Variants in CLIP1 observed in about 807,000 individuals in gnomAD.
CLIP1 encodes CAP-Gly domain containing linker protein 1.
In CLIP1, 66 loss-of-function variants were observed where a neutral mutation model predicts 161.6. That is an observed-to-expected ratio of 0.41 (90% CI 0.33 to 0.50). The LOEUF (loss-of-function observed/expected upper bound fraction) is 0.50. Among genes scored for constraint, CLIP1 ranks in the 20% least tolerant of loss-of-function variants. CLIP1 has a pLI of 0.27. For missense variants in CLIP1, 1,376 were observed against 1,702.0 expected (o/e 0.81, Z 3.37); for synonymous variants, 598 against 626.2 (o/e 0.96, Z 0.67).
intron 5 of CLIP1, among the ~76,000 whole-genome samples, chr12:122,359,140 A>G (rs542860726): frequency 5.0e-4 from 76 of 152,350 alleles, no homozygotes; most frequent in Non-Finnish European, 9.1e-4. Flanking sequence ...AAACAGAAAT[A>G]CATTTCTGAG....
At chr12:122,341,757 C>CTTTTT (rs1952510340) in intron 10 of CLIP1, 60 bp from the exon 11 acceptor site, 2 of 88,998 alleles carry the variant, frequency 2.2e-5, no homozygotes, top group Non-Finnish European at 4.7e-5. Context: ...TGACTATTTT[C>CTTTTT]TTTTCTTTTT....
At chr12:122,351,261 A>G in intron 8 of CLIP1, 118 bp from the exon 9 acceptor site, 2 of 659,466 alleles carry the variant, frequency 3.0e-6, no homozygotes, top group Non-Finnish European at 4.9e-6. Context: ...TAAGTTTATC[A>G]GACAGACTAT....
chr12:122,355,526 C>A lies in CLIP1; in HGVS notation c.1006-214G>T. On this transcript the variant is annotated intron_variant, in intron 5 of 25. Transcript: ENST00000620786. The surrounding 1 kb of genome is among the most constrained non-coding windows in gnomAD (Gnocchi z 4.1). ...AAAGAATACATCAACGTAAAGAGAT[C>A]AGCCAGGTGCGGTGGCTCATGCCTG... 2 of 537,318 alleles carry A rather than the reference C, an allele frequency of 3.7e-6. No homozygotes were observed. The highest frequency in any genetic ancestry group is 6.7e-6 in the Non-Finnish European group (2 of 299,116). 33.3% of individuals were successfully genotyped at this position (537,318 alleles called of 1,614,324 possible). A position where few individuals can be genotyped will look rare whatever the true frequency, so the allele number is the denominator to read the frequency against.
intron 1 of CLIP1, among the ~76,000 whole-genome samples, chr12:122,407,120 AATG>A (rs1956351540): frequency 6.6e-6 from 1 of 152,178 alleles, no homozygotes; most frequent in African/African-American, 2.4e-5. Flanking sequence ...GAACTTACTT[AATG>A]GGTCGGCAGC....
chr12:122,288,779 A>G (rs1400079273), intron 20 of CLIP1, among the ~76,000 whole-genome samples: 4 of 151,646 alleles, frequency 2.6e-5, no homozygotes, highest in Non-Finnish European at 5.9e-5. Flanking sequence ...CATATTAAAC[A>G]ATCACACCTT....
At chr12:122,408,910 C>A (rs1566242414) in intron 1 of CLIP1, among the ~76,000 whole-genome samples, 1 of 152,180 alleles carries the variant, frequency 6.6e-6, no homozygotes, top group Non-Finnish European at 1.5e-5. Context: ...CTCCCAGGCT[C>A]AAGTGATTCT....
chr12:122,354,863 A>G (rs1165594083), intron 6 of CLIP1: 2 of 586,584 alleles, frequency 3.4e-6, no homozygotes, highest in Non-Finnish European at 6.1e-6. Context: ...AAGCTGGCCT[A>G]ACACAGACAG....
intron 20 of CLIP1, among the ~76,000 whole-genome samples, chr12:122,302,389 C>T (rs752874525): frequency 3.3e-5 from 5 of 152,184 alleles, no homozygotes; most frequent in African/African-American, 1.2e-4. Context: ...CATGAACCAC[C>T]ATGCCCACCA....
rs775340160 is a variant in CLIP1, at chr12:122,363,971, C to T, written c.782+12G>A. 4.0e-5 allele frequency: 64 copies of T among 1,613,922 alleles called. No individual in the cohort carries two copies. The highest frequency in any genetic ancestry group is 8.0e-5 in the African/African-American group (6 of 74,890). The stretch of plus-strand genomic sequence containing the variant: ...AAGAGTGACACAAGATGTTGCACAA[C>T]GCCAAACAAACCTTGTTCCAGCAAC... On this transcript the variant is annotated intron_variant, in intron 4 of 25. Coordinates refer to ENST00000620786, the MANE Select transcript of CLIP1 (RefSeq NM_001247997.2).
intron 1 of CLIP1, among the ~76,000 whole-genome samples, chr12:122,404,557 G>A (rs1405275657): frequency 1.3e-5 from 2 of 151,792 alleles, no homozygotes; most frequent in Non-Finnish European, 2.9e-5. Context: ...CCAAGATTGC[G>A]CCACAGCACT....
chr12:122,392,765 T>C (rs1389041725), intron 1 of CLIP1, among the ~76,000 whole-genome samples: 3 of 152,130 alleles, frequency 2.0e-5, no homozygotes, highest in African/African-American at 7.2e-5. Flanking sequence ...GAATACATAC[T>C]AAAAGCACAA....
intron 4 of CLIP1, among the ~76,000 whole-genome samples, chr12:122,361,633 G>A (rs1211691116): frequency 2.0e-5 from 3 of 152,174 alleles, no homozygotes; most frequent in Non-Finnish European, 2.9e-5. Flanking sequence ...GTGGGAGGCC[G>A]AGGCGGCAGA....
At chr12:122,363,360 C>T (rs1340004257) in intron 4 of CLIP1, among the ~76,000 whole-genome samples, 4 of 152,034 alleles carry the variant, frequency 2.6e-5, no homozygotes, top group African/African-American at 7.2e-5. Context: ...GGCATTGTGG[C>T]GTGCGCCTGT....
At chr12:122,375,294 C>T (rs11057787) in intron 3 of CLIP1, among the ~76,000 whole-genome samples, 17,402 of 151,506 alleles carry the variant, frequency 0.11, 1,401 homozygotes, top group East Asian at 0.45. Context: ...TAAACCTTAT[C>T]ATTTGAAAGG....
intron 1 of CLIP1, among the ~76,000 whole-genome samples, chr12:122,404,919 A>AC (rs1322878504): frequency 6.6e-6 from 1 of 151,386 alleles, no homozygotes; most frequent in African/African-American, 2.4e-5. Context: ...AAACAAAACA[A>AC]AAAAAAACCA....
At chr12:122,404,365 G>T (rs1956244378) in intron 1 of CLIP1, among the ~76,000 whole-genome samples, 1 of 152,122 alleles carries the variant, frequency 6.6e-6, no homozygotes, top group East Asian at 1.9e-4. Flanking sequence ...GGGAGGCCAA[G>T]GTGGGTAAAT....
rs115476093 is a variant in CLIP1 at position 122,364,798 on chromosome 12, G to A, written c.658-691C>T. ...TTCGCCAAAATGACGAACACAAAGC[G>A]AAAGAGGAGAGGCACCCGATATATG... On this transcript the variant is annotated intron_variant, in intron 3 of 25. Coordinates refer to ENST00000620786, the MANE Select transcript of CLIP1 (RefSeq NM_001247997.2). 2,290 of 1,042,808 alleles carry A rather than the reference G, an allele frequency of 2.2e-3. 34 individuals carry two copies. In the African/African-American group the frequency reaches 0.032, roughly 15 times the overall value. The allele number at this position is 1,042,808 out of a possible 1,614,324, so 64.6% of individuals were successfully genotyped here.
intron 20 of CLIP1, among the ~76,000 whole-genome samples, chr12:122,289,336 T>A (rs1191065642): frequency 6.6e-6 from 1 of 151,930 alleles, no homozygotes; most frequent in East Asian, 2.0e-4. Context: ...GGAGAATCGC[T>A]TGAACCCAGG....
At chr12:122,315,410 AG>A (rs1317099739) in intron 19 of CLIP1, among the ~76,000 whole-genome samples, 8 of 151,478 alleles carry the variant, frequency 5.3e-5, no homozygotes, top group Non-Finnish European at 8.8e-5. Flanking sequence ...TTAACAGAAT[AG>A]AAGACCAAAT....
Sources: gnomAD v4.1 joint callset for allele counts (sites outside exome capture counted in the v4.1 genomes callset) on GRCh38, gnomAD v4.1.1 for gene constraint, Gnocchi (gnomAD v3.1) non-coding constraint, MANE v1.5 for transcripts, NCBI Gene and HGNC (gene_info 2026-07-23, HGNC 2026-07-21) for gene names.